The following FAF1 variants were observed in gnomAD, a reference collection of about 807,000 sequenced individuals.
FAF1 encodes the protein Fas associated factor 1.
In FAF1, 25 loss-of-function variants were observed where a neutral mutation model predicts 92.5. That is an observed-to-expected ratio of 0.27 (90% confidence interval 0.20 to 0.38). The LOEUF (loss-of-function observed/expected upper bound fraction) is 0.38. Among genes scored for constraint, FAF1 ranks in the 10% least tolerant of loss-of-function variants. The pLI, the probability that FAF1 is intolerant of heterozygous loss-of-function variation, is 1.00. For missense variants in FAF1, 636 were observed against 793.3 expected, an observed-to-expected ratio of 0.80 and a Z score of 2.38; for synonymous variants, 234 against 273.2, an observed-to-expected ratio of 0.86 and a Z score of 1.42.
intron 8 of FAF1, among the ~76,000 whole-genome samples, chr1:50,624,213 TCTCAG>T (rs1464168022): frequency 1.3e-5 from 2 of 152,110 alleles, no homozygotes; most frequent in African/African-American, 4.8e-5. Context: ...AGTGGCGTGA[TCTCAG>T]CTCACTGCAA....
intron 7 of FAF1, among the ~76,000 whole-genome samples, chr1:50,686,322 C>T (rs1054434379): frequency 6.6e-6 from 1 of 152,070 alleles, no homozygotes; most frequent in Admixed American, 6.6e-5. Flanking sequence ...GCAGGCAGAT[C>T]ACCTGAGGCC....
intron 2 of FAF1, chr1:50,846,650 G>T: frequency 1.9e-6 from 1 of 537,970 alleles, no homozygotes; most frequent in South Asian, 1.5e-5. Flanking sequence ...CAACAGAGGC[G>T]GGTATTTCCT....
intron 13 of FAF1, 33 bp from the exon 14 acceptor site, chr1:50,539,761 C>T: frequency 1.3e-6 from 2 of 1,568,174 alleles, no homozygotes; most frequent in Non-Finnish European, 1.7e-6. Context: ...GTAAGTTTTG[C>T]TTTGTAGTTT....
chr1:50,520,008 C>T (rs774349693), intron 15 of FAF1, among the ~76,000 whole-genome samples: 6 of 152,148 alleles, frequency 3.9e-5, no homozygotes, highest in Non-Finnish European at 8.8e-5. Flanking sequence ...TGGTGTTGAG[C>T]ACAATGCGGA....
At chr1:50,914,475 A>T (rs1367632578) in intron 1 of FAF1, among the ~76,000 whole-genome samples, 1 of 152,226 alleles carries the variant, frequency 6.6e-6, no homozygotes, top group East Asian at 1.9e-4. Context: ...GCATCAAAAC[A>T]AAAACCCTGA....
At chr1:50,873,264 T>C (rs1293594388) in intron 1 of FAF1, among the ~76,000 whole-genome samples, 1 of 152,176 alleles carries the variant, frequency 6.6e-6, no homozygotes, top group African/African-American at 2.4e-5. Context: ...ACCAAAAAAT[T>C]AGTGACTCAC....
chr1:50,478,415 G>C (rs1386599766), intron 17 of FAF1, among the ~76,000 whole-genome samples: 1 of 152,094 alleles, frequency 6.6e-6, no homozygotes, highest in Non-Finnish European at 1.5e-5. Context: ...CATCCACCTA[G>C]GTCTCCCAAA....
chr1:50,683,529 T>TAA (rs746843287), intron 7 of FAF1, among the ~76,000 whole-genome samples: 2 of 139,868 alleles, frequency 1.4e-5, no homozygotes, highest in Non-Finnish European at 3.1e-5. Flanking sequence ...CCTGTCTCAT[T>TAA]AAAAAAAAAA....
chr1:50,505,420 A>G (rs1647047423), intron 15 of FAF1, among the ~76,000 whole-genome samples: 1 of 152,084 alleles, frequency 6.6e-6, no homozygotes, highest in Non-Finnish European at 1.5e-5. Context: ...TGGTCTAGAG[A>G]ATTTTGGGGG....
intron 2 of FAF1, among the ~76,000 whole-genome samples, chr1:50,831,203 T>C (rs933323401): frequency 6.6e-6 from 1 of 152,170 alleles, no homozygotes; most frequent in Non-Finnish European, 1.5e-5. Context: ...TACACAGTAA[T>C]AGATCTTTAA....
At chr1:50,498,298 A>G (rs1646926379) in intron 15 of FAF1, among the ~76,000 whole-genome samples, 1 of 152,180 alleles carries the variant, frequency 6.6e-6, no homozygotes. Context: ...AGCTAAAACC[A>G]TAACATTCTT....
intron 1 of FAF1, among the ~76,000 whole-genome samples, chr1:50,957,474 C>T (rs1004779667): frequency 2.0e-5 from 3 of 151,426 alleles, no homozygotes; most frequent in African/African-American, 7.3e-5. Context: ...GCCTCAGCCT[C>T]CCGAGTAGCT....
At chr1:50,777,570 A>C (rs1661008586) in intron 4 of FAF1, among the ~76,000 whole-genome samples, 1 of 152,222 alleles carries the variant, frequency 6.6e-6, no homozygotes, top group Non-Finnish European at 1.5e-5. Flanking sequence ...ATGAAAAAAC[A>C]CAGATACGGT....
At chr1:50,840,353 C>T (rs1003619917) in intron 2 of FAF1, among the ~76,000 whole-genome samples, 2 of 151,734 alleles carry the variant, frequency 1.3e-5, no homozygotes, top group African/African-American at 2.4e-5. Flanking sequence ...TCTACAAATA[C>T]GTGACAAAAG....
chr1:50,560,623 A>G (rs1649858859), intron 13 of FAF1, among the ~76,000 whole-genome samples: 1 of 152,222 alleles, frequency 6.6e-6, no homozygotes, highest in Non-Finnish European at 1.5e-5. Flanking sequence ...TGATGTGCAA[A>G]ACATTTTCAT....
At chr1:50,671,845 T>C (rs1655896382) in intron 7 of FAF1, among the ~76,000 whole-genome samples, 2 of 151,660 alleles carry the variant, frequency 1.3e-5, no homozygotes, top group African/African-American at 4.8e-5. Flanking sequence ...TCTGGCTGTG[T>C]CACCCAGACT....
At chr1:50,947,461 A>C (rs113935355) in intron 1 of FAF1, among the ~76,000 whole-genome samples, 63 of 152,340 alleles carry the variant, frequency 4.1e-4, no homozygotes, top group Non-Finnish European at 8.1e-4. Flanking sequence ...AGGTGTAATT[A>C]TTCTGTTAAT....
At chr1:50,880,558 C>T in intron 1 of FAF1, among the ~76,000 whole-genome samples, 1 of 152,180 alleles carries the variant, frequency 6.6e-6, no homozygotes, top group Non-Finnish European at 1.5e-5. Flanking sequence ...CATGTACACA[C>T]CAAGGAAAGT....
intron 8 of FAF1, among the ~76,000 whole-genome samples, chr1:50,653,512 G>A (rs987950916): frequency 7.9e-5 from 12 of 151,920 alleles, no homozygotes; most frequent in South Asian, 4.2e-4. Flanking sequence ...CACCACGCCC[G>A]GCTAATTTTG....
Sources: gnomAD v4.1 joint callset for allele counts (sites outside exome capture counted in the v4.1 genomes callset) on GRCh38, gnomAD v4.1.1 for gene constraint, MANE v1.5 for transcripts, NCBI Gene and HGNC (gene_info 2026-07-23, HGNC 2026-07-21) for gene names.